CAMTA1: variants seen among roughly 807,000 people sequenced by gnomAD.
CAMTA1 encodes calmodulin-binding transcription activator 1.
In CAMTA1, 27 loss-of-function variants were observed where a neutral mutation model predicts 170.9. The observed-to-expected ratio is 0.16, with a 90% CI of 0.12 to 0.22. The LOEUF (loss-of-function observed/expected upper bound fraction) is 0.22, where lower values mean the gene tolerates loss of function less well. CAMTA1 is among the 10% of genes least tolerant of loss of function. The pLI is 1.00. For synonymous variants in CAMTA1, 833 were observed against 891.5 expected (o/e 0.93, Z 1.17); for missense variants, 1,619 against 2,217.2 (o/e 0.73, Z 5.42).
intron 3 of CAMTA1, among the ~76,000 whole-genome samples, chr1:6,830,635 G>A (rs1166334414): frequency 6.6e-6 from 1 of 152,030 alleles, no homozygotes; most frequent in Non-Finnish European, 1.5e-5. Flanking sequence ...GAGCCACGGC[G>A]CCCAGCTTAA....
chr1:7,687,843 C>G (rs889116783), intron 11 of CAMTA1, among the ~76,000 whole-genome samples: 4 of 152,074 alleles, frequency 2.6e-5, no homozygotes, highest in Admixed American at 2.0e-4. Flanking sequence ...TGATTCACCC[C>G]CAAACACTGT....
intron 11 of CAMTA1, chr1:7,698,643 CCT>C (rs2096404537): frequency 6.7e-6 from 1 of 150,260 alleles, no homozygotes; most frequent in Admixed American, 6.7e-5. Flanking sequence ...CAAAGCTCCC[CCT>C]TTCCCCTGAG....
At chr1:7,399,008 A>ATAGT (rs1347942747) in intron 5 of CAMTA1, among the ~76,000 whole-genome samples, 2 of 152,050 alleles carry the variant, frequency 1.3e-5, no homozygotes, top group Non-Finnish European at 2.9e-5. Flanking sequence ...TTATTTTAGC[A>ATAGT]TAGTTATTGT....
chr1:7,290,733 A>G (rs888399501), intron 5 of CAMTA1, among the ~76,000 whole-genome samples: 1 of 151,960 alleles, frequency 6.6e-6, no homozygotes, highest in Non-Finnish European at 1.5e-5. Flanking sequence ...TCATTATCAC[A>G]TGATGCCAGC....
chr1:6,942,733 T>C (rs1437793971), intron 3 of CAMTA1, among the ~76,000 whole-genome samples: 2 of 152,094 alleles, frequency 1.3e-5, no homozygotes, highest in African/African-American at 2.4e-5. Flanking sequence ...GCTGAGCCAG[T>C]TGGGAGGAGC....
chr1:6,918,273 A>C lies in CAMTA1; in HGVS notation c.234+93063A>C, dbSNP rs1681263892. On this transcript the variant is annotated intron_variant, in intron 3 of 22. Coordinates refer to ENST00000303635, the MANE Select transcript of CAMTA1 (RefSeq NM_015215.4). This position sits in a 1 kb window ranked among gnomAD's most constrained non-coding sequence, Gnocchi z 4.0. ...TTCTGGAGAGTACTGAAGAAGAATA[A>C]TATTTTTTTAATCTAAAAGAACTTT... Among the ~76,000 whole-genome samples, 1 of 152,160 alleles carries C rather than the reference A, an allele frequency of 6.6e-6. No individual in the cohort carries two copies. Among genetic ancestry groups the C allele is most frequent in the African/African-American group, 2.4e-5 (1 of 41,418 alleles).
chr1:7,266,544 T>C (rs566211372), intron 5 of CAMTA1, among the ~76,000 whole-genome samples: 2 of 152,312 alleles, frequency 1.3e-5, no homozygotes, highest in South Asian at 2.1e-4. Context: ...ACAAAACAGA[T>C]AGGTTCTTCA....
intron 6 of CAMTA1, among the ~76,000 whole-genome samples, chr1:7,500,641 G>T (rs944036525): frequency 6.6e-6 from 1 of 152,164 alleles, no homozygotes; most frequent in Non-Finnish European, 1.5e-5. Context: ...AGGGCCCTCT[G>T]TTGCTCAGGC....
Position 6,994,768 on chromosome 1 carries a change from A to G in CAMTA1, c.235-96536A>G, listed in dbSNP as rs4409677. 3.9e-3 allele frequency among the ~76,000 whole-genome samples: 596 copies of G among 152,116 alleles called. 5 individuals carry two copies. The highest frequency in any genetic ancestry group is 0.014 in the African/African-American group (584 of 41,498). ...CAGCAACCTCCACCTCCCAGGCTCAAACGATCCTCTCCCCTCAGCCTCCTG... is the reference window on the plus strand; with the variant it reads ...CAGCAACCTCCACCTCCCAGGCTCAGACGATCCTCTCCCCTCAGCCTCCTG... On this transcript the variant is annotated intron_variant, in intron 3 of 22. Transcript: ENST00000303635.
chr1:7,399,512 G>A (rs2089721527), intron 5 of CAMTA1, among the ~76,000 whole-genome samples: 1 of 152,186 alleles, frequency 6.6e-6, no homozygotes, highest in Admixed American at 6.5e-5. Flanking sequence ...GAAAAAGTAT[G>A]TATCATCATT....
intron 22 of CAMTA1, among the ~76,000 whole-genome samples, chr1:7,764,578 G>A (rs896043046): frequency 6.6e-5 from 10 of 152,178 alleles, no homozygotes; most frequent in Non-Finnish European, 1.5e-5. Context: ...TACCATATGT[G>A]CCATTCCAGA....
intron 6 of CAMTA1, among the ~76,000 whole-genome samples, chr1:7,492,808 T>C (rs111063525): frequency 0.59 from 75,166 of 126,362 alleles, 20,351 homozygotes; most frequent in African/African-American, 0.71. Context: ...CGTATACACA[T>C]GCGCGCACAG....
At chr1:7,274,302 A>G (rs1454371461) in intron 5 of CAMTA1, among the ~76,000 whole-genome samples, 1 of 152,176 alleles carries the variant, frequency 6.6e-6, no homozygotes, top group Admixed American at 6.5e-5. Context: ...TAAGAAAACT[A>G]AAGTGAATAT....
chr1:7,397,537 T>C (rs2089424751), intron 5 of CAMTA1, among the ~76,000 whole-genome samples: 1 of 152,110 alleles, frequency 6.6e-6, no homozygotes, highest in African/African-American at 2.4e-5. Flanking sequence ...TTTATTGCTA[T>C]CTACTAATTC....
chr1:7,168,547 C>T (rs1490932014), intron 4 of CAMTA1, among the ~76,000 whole-genome samples: 2 of 152,152 alleles, frequency 1.3e-5, no homozygotes, highest in African/African-American at 2.4e-5. Flanking sequence ...GGATTACAGG[C>T]GTGCACCACC....
At chr1:6,788,397 G>A (rs1183220541) in intron 1 of CAMTA1, among the ~76,000 whole-genome samples, 1 of 152,194 alleles carries the variant, frequency 6.6e-6, no homozygotes, top group African/African-American at 2.4e-5. Context: ...GATTGGGTCA[G>A]CGCTAGTTCT....
chr1:6,978,418 G>A (rs1483740612), intron 3 of CAMTA1, among the ~76,000 whole-genome samples: 5 of 152,056 alleles, frequency 3.3e-5, no homozygotes, highest in Non-Finnish European at 7.3e-5. Context: ...TGGATCACCC[G>A]AGGGCAGGAG....
chr1:7,688,861 G>T (rs964899243), intron 11 of CAMTA1, among the ~76,000 whole-genome samples: 1 of 152,218 alleles, frequency 6.6e-6, no homozygotes, highest in Non-Finnish European at 1.5e-5. Context: ...GCAGTAATCT[G>T]CTGAAACTTT....
chr1:6,789,616 G>A (rs1400013512), intron 1 of CAMTA1, among the ~76,000 whole-genome samples: 5 of 151,970 alleles, frequency 3.3e-5, no homozygotes, highest in African/African-American at 1.2e-4. Flanking sequence ...CTCTTTTGTG[G>A]AACCTTTGAA....
Sources: gnomAD v4.1 joint callset for allele counts (sites outside exome capture counted in the v4.1 genomes callset) on GRCh38, gnomAD v4.1.1 for gene constraint, Gnocchi (gnomAD v3.1) non-coding constraint, MANE v1.5 for transcripts, NCBI Gene and HGNC (gene_info 2026-07-23, HGNC 2026-07-21) for gene names.